DAB1: variants seen among roughly 807,000 people sequenced by gnomAD.
DAB1 encodes disabled homolog 1.
Under a neutral mutation model 64.6 loss-of-function variants are expected in DAB1, and 15 were observed. The observed-to-expected ratio is 0.23, with a 90% CI of 0.16 to 0.36. The LOEUF (loss-of-function observed/expected upper bound fraction) is 0.36. Among genes scored for constraint, DAB1 ranks in the 10% least tolerant of loss-of-function variants. The pLI is 1.00. For synonymous variants in DAB1, 235 were observed against 251.9 expected, an observed-to-expected ratio of 0.93 and a Z score of 0.64; for missense variants, 596 against 706.7, an observed-to-expected ratio of 0.84 and a Z score of 1.78.
chr1:57,311,584 C>T (rs1674711344), intron 1 of DAB1, among the ~76,000 whole-genome samples: 1 of 152,004 alleles, frequency 6.6e-6, no homozygotes. Flanking sequence ...GAAGGACATT[C>T]AGTTATGTTA....
intron 5 of DAB1, among the ~76,000 whole-genome samples, chr1:58,080,653 G>A (rs1298441611): frequency 6.6e-6 from 1 of 152,202 alleles, no homozygotes; most frequent in Non-Finnish European, 1.5e-5. Context: ...ATTCCTCACT[G>A]TCGTAGAATT....
intron 7 of DAB1, among the ~76,000 whole-genome samples, chr1:57,621,273 T>TGTGTGC (rs57872771): frequency 0.74 from 110,858 of 148,856 alleles, 44,325 homozygotes; most frequent in Non-Finnish European, 0.88. Context: ...TGTGTGTGTG[T>TGTGTGC]GTGTGCGTGT....
chr1:57,695,248 AGAAAGAAAGAAGGAAGGAAG>A (rs1436920048), intron 6 of DAB1, among the ~76,000 whole-genome samples: 2 of 60,574 alleles, frequency 3.3e-5, no homozygotes, highest in African/African-American at 2.2e-4. Context: ...GAAGAAAGAA[AGAAAGAAAGAAGGAAGGAAG>A]GAAGGAAGGA....
intron 4 of DAB1, among the ~76,000 whole-genome samples, chr1:58,180,472 T>G (rs1378257644): frequency 6.6e-6 from 1 of 151,514 alleles, no homozygotes; most frequent in Non-Finnish European, 1.5e-5. Flanking sequence ...TTTTAAAATT[T>G]TTCATAGAGG....
intron 4 of DAB1, among the ~76,000 whole-genome samples, chr1:58,196,618 G>C (rs987275660): frequency 6.6e-6 from 1 of 152,128 alleles, no homozygotes; most frequent in Non-Finnish European, 1.5e-5. Context: ...TGGATAGGAG[G>C]CCTCAGGAAA....
chr1:57,590,476 T>C (rs1280280603), intron 7 of DAB1, among the ~76,000 whole-genome samples: 1 of 151,806 alleles, frequency 6.6e-6, no homozygotes, highest in Admixed American at 6.6e-5. Flanking sequence ...CACGTCACCA[T>C]GCTCAGCTAA....
intron 5 of DAB1, among the ~76,000 whole-genome samples, chr1:58,102,050 C>T (rs1052010381): frequency 6.6e-6 from 1 of 152,244 alleles, no homozygotes; most frequent in African/African-American, 2.4e-5. Flanking sequence ...GACACATGCT[C>T]TTCTGAGTGC....
intron 7 of DAB1, among the ~76,000 whole-genome samples, chr1:57,546,742 C>T (rs1008103827): frequency 6.6e-6 from 1 of 152,074 alleles, no homozygotes; most frequent in Non-Finnish European, 1.5e-5. Context: ...TGGGCTACAC[C>T]ATCTAGGTTT....
At chr1:57,523,075 T>A (rs1446966712) in intron 7 of DAB1, among the ~76,000 whole-genome samples, 1 of 152,202 alleles carries the variant, frequency 6.6e-6, no homozygotes, top group African/African-American at 2.4e-5. Context: ...ATTGTGGGAC[T>A]TCACCTTGTG....
intron 7 of DAB1, among the ~76,000 whole-genome samples, chr1:57,633,556 G>C: frequency 6.6e-6 from 1 of 152,206 alleles, no homozygotes; most frequent in East Asian, 1.9e-4. Flanking sequence ...GGGAGGGACA[G>C]AGTGGGGAAT....
intron 6 of DAB1, among the ~76,000 whole-genome samples, chr1:57,792,244 G>A (rs1460709041): frequency 1.3e-5 from 2 of 152,138 alleles, no homozygotes; most frequent in Non-Finnish European, 2.9e-5. Context: ...TGGATAGCTT[G>A]GACAATGTGC....
At chr1:58,199,022 G>A (rs1201563054) in intron 4 of DAB1, among the ~76,000 whole-genome samples, 4 of 152,282 alleles carry the variant, frequency 2.6e-5, no homozygotes, top group Non-Finnish European at 2.9e-5. Context: ...CAGAAGAATC[G>A]CTTAAACCTG....
At chr1:57,760,224 C>A (rs1040466904) in intron 6 of DAB1, among the ~76,000 whole-genome samples, 3 of 152,092 alleles carry the variant, frequency 2.0e-5, no homozygotes, top group African/African-American at 7.2e-5. Flanking sequence ...GCTAATAAGC[C>A]ACATTATGCA....
intron 1 of DAB1, among the ~76,000 whole-genome samples, chr1:57,836,392 A>T (rs1168767238): frequency 4.6e-5 from 7 of 152,122 alleles, no homozygotes; most frequent in South Asian, 4.2e-4. Context: ...AAATAACTTG[A>T]CTCGAGAATC....
chr1:57,129,665 C>T (rs1219952939), intron 4 of DAB1, among the ~76,000 whole-genome samples: 1 of 152,156 alleles, frequency 6.6e-6, no homozygotes, highest in Non-Finnish European at 1.5e-5. Context: ...AGGGAGATCT[C>T]ATGGCTCGCT....
intron 7 of DAB1, among the ~76,000 whole-genome samples, chr1:57,432,084 C>T (rs12129092): frequency 0.42 from 62,511 of 149,986 alleles, 14,209 homozygotes; most frequent in African/African-American, 0.61. Flanking sequence ...ATTACACCAC[C>T]GCACTCCATC....
intron 4 of DAB1, among the ~76,000 whole-genome samples, chr1:58,261,049 T>C (rs1033450623): frequency 5.3e-5 from 8 of 152,238 alleles, no homozygotes; most frequent in Admixed American, 3.9e-4. Context: ...ATACAGCACT[T>C]CATATTTTTC....
chr1:57,493,788 A>G (rs1199665770), intron 7 of DAB1, among the ~76,000 whole-genome samples: 1 of 151,694 alleles, frequency 6.6e-6, no homozygotes, highest in Non-Finnish European at 1.5e-5. Flanking sequence ...ACACACACAC[A>G]CATTGACTGA....
intron 7 of DAB1, among the ~76,000 whole-genome samples, chr1:57,432,590 T>A (rs1037597269): frequency 6.6e-6 from 1 of 152,180 alleles, no homozygotes; most frequent in Non-Finnish European, 1.5e-5. Context: ...AGAAGAGGAC[T>A]AAGAGGTGGG....
Sources: gnomAD v4.1 joint callset for allele counts (sites outside exome capture counted in the v4.1 genomes callset) on GRCh38, gnomAD v4.1.1 for gene constraint, MANE v1.5 for transcripts, NCBI Gene and HGNC (gene_info 2026-07-23, HGNC 2026-07-21) for gene names.